The following SMG6 variants were observed in gnomAD, a reference collection of about 807,000 sequenced individuals.
The protein encoded by SMG6 is telomerase-binding protein EST1A.
A neutral mutation model predicts 142.2 loss-of-function variants in SMG6; 66 were observed. The ratio of observed to expected loss-of-function variants is 0.46; its 90% confidence interval spans 0.38 to 0.57. The LOEUF is 0.57. Among genes scored for constraint, SMG6 ranks in the 20% least tolerant of loss-of-function variants. The pLI, the probability that SMG6 is intolerant of heterozygous loss-of-function variation, is 0.00. For missense variants in SMG6, 1,793 were observed against 1,832.0 expected, an observed-to-expected ratio of 0.98 and a Z score of 0.39; for synonymous variants, 779 against 702.4, an observed-to-expected ratio of 1.11 and a Z score of -1.72.
chr17:2,260,009 G>A (rs532389200), intron 8 of SMG6, among the ~76,000 whole-genome samples: 4 of 152,308 alleles, frequency 2.6e-5, no homozygotes, highest in African/African-American at 9.6e-5. Context: ...CCAAATAAGG[G>A]AAGGATTCTG....
intron 7 of SMG6, 112 bp downstream of exon 7, chr17:2,283,513 T>C (rs2074836291): frequency 1.3e-5 from 11 of 832,340 alleles, no homozygotes; most frequent in South Asian, 1.2e-4. Context: ...TAACTGCACC[T>C]TGGATAAACC....
intron 13 of SMG6, among the ~76,000 whole-genome samples, chr17:2,132,454 T>C (rs1286724244): frequency 6.6e-6 from 1 of 152,174 alleles, no homozygotes; most frequent in Non-Finnish European, 1.5e-5. Flanking sequence ...GAGTTGTCTA[T>C]GGGGAAGCGG....
chr17:2,125,753 G>A (rs897442406), intron 13 of SMG6, among the ~76,000 whole-genome samples: 2 of 152,138 alleles, frequency 1.3e-5, no homozygotes, highest in Non-Finnish European at 2.9e-5. Context: ...AGGAGTTGGA[G>A]ACCAGCCTGG....
intron 8 of SMG6, among the ~76,000 whole-genome samples, chr17:2,258,036 T>C (rs1347218879): frequency 1.3e-4 from 9 of 66,690 alleles, no homozygotes; most frequent in South Asian, 4.3e-4. Context: ...AAAAAAAAAA[T>C]ATACACACAC....
At chr17:2,203,199 C>G (rs2072584283) in intron 10 of SMG6, among the ~76,000 whole-genome samples, 1 of 152,188 alleles carries the variant, frequency 6.6e-6, no homozygotes, top group Non-Finnish European at 1.5e-5. Flanking sequence ...CCAGTCAAAA[C>G]ACACTTTGGC....
intron 12 of SMG6, among the ~76,000 whole-genome samples, chr17:2,177,898 C>G (rs545305114): frequency 6.6e-6 from 1 of 152,188 alleles, no homozygotes; most frequent in Non-Finnish European, 1.5e-5. Flanking sequence ...CCTTTTCAAA[C>G]GGTTTCCCTG....
intron 13 of SMG6, among the ~76,000 whole-genome samples, chr17:2,152,011 T>C (rs1236381871): frequency 6.6e-6 from 1 of 152,178 alleles, no homozygotes; most frequent in African/African-American, 2.4e-5. Flanking sequence ...AATGATTACT[T>C]ATCAAAAAAC....
intron 9 of SMG6, among the ~76,000 whole-genome samples, chr17:2,239,045 G>C (rs1327231386): frequency 1.3e-5 from 2 of 152,142 alleles, no homozygotes; most frequent in African/African-American, 2.4e-5. Flanking sequence ...CTGGTTTCCA[G>C]TTTTGTAACC....
chr17:2,280,967 G>A (rs1385644102), intron 8 of SMG6, among the ~76,000 whole-genome samples: 1 of 152,310 alleles, frequency 6.6e-6, no homozygotes, highest in East Asian at 1.9e-4. Flanking sequence ...AGCAACTCAG[G>A]AGGCTGAGGC....
chr17:2,087,008 T>C (rs935824915), intron 13 of SMG6: 2 of 1,288,918 alleles, frequency 1.6e-6, no homozygotes, highest in Non-Finnish European at 2.0e-6. Context: ...TGCATCCTCG[T>C]TTCTTAGTGT....
At chr17:2,074,502 A>G (rs1340525049) in intron 15 of SMG6, among the ~76,000 whole-genome samples, 1 of 152,232 alleles carries the variant, frequency 6.6e-6, no homozygotes, top group Non-Finnish European at 1.5e-5. Context: ...ACTGCTGCTT[A>G]GAACTCCTTT....
intron 6 of SMG6, among the ~76,000 whole-genome samples, chr17:2,287,025 G>A (rs1567749900): frequency 3.4e-5 from 5 of 146,764 alleles, no homozygotes; most frequent in African/African-American, 1.0e-4. Context: ...TCCGCCTCTC[G>A]GGTTCACGCC....
chr17:2,241,041 C>T, intron 9 of SMG6, among the ~76,000 whole-genome samples: 1 of 152,222 alleles, frequency 6.6e-6, no homozygotes, highest in Middle Eastern at 3.4e-3. Flanking sequence ...ATAAATATGG[C>T]GCTCAATTTT....
Position 2,163,533 on chromosome 17 carries a change from A to G in SMG6, c.3357+9125T>C, listed in dbSNP as rs897776920. Among the ~76,000 whole-genome samples the G allele has an allele frequency of 3.3e-5, 5 of 152,148 alleles. No individual in the cohort carries two copies. The South Asian group carries it at 6.2e-4, about 19-fold the overall frequency. ...ATGTAGATATGGGATTGATTTTTGT[A>G]CAATGGCTTCATATCCAGCAACTTT... On this transcript the variant is annotated intron_variant, in intron 13 of 18. Coordinates refer to ENST00000263073, the MANE Select transcript of SMG6 (RefSeq NM_017575.5).
chr17:2,151,305 C>T (rs546912481), intron 13 of SMG6, among the ~76,000 whole-genome samples: 19 of 152,330 alleles, frequency 1.2e-4, no homozygotes, highest in African/African-American at 4.6e-4. Context: ...TATTATTCCA[C>T]ATTACAGTTT....
chr17:2,190,960 T>C (rs1349473147), intron 10 of SMG6, among the ~76,000 whole-genome samples: 1 of 152,226 alleles, frequency 6.6e-6, no homozygotes, highest in African/African-American at 2.4e-5. Flanking sequence ...GTCAGGCCTC[T>C]GACTGGCCAT....
chr17:2,167,960 T>C (rs1359539439), intron 13 of SMG6, among the ~76,000 whole-genome samples: 1 of 152,100 alleles, frequency 6.6e-6, no homozygotes, highest in Non-Finnish European at 1.5e-5. Flanking sequence ...ACCAAACCCC[T>C]GCACTTAAAA....
chr17:2,128,214 G>C (rs182755249), intron 13 of SMG6, among the ~76,000 whole-genome samples: 14 of 152,360 alleles, frequency 9.2e-5, no homozygotes, highest in Non-Finnish European at 1.6e-4. Flanking sequence ...CCCAAGGCAC[G>C]AGTGCTCCCA....
chr17:2,072,362 G>C (rs1340911495), intron 15 of SMG6, among the ~76,000 whole-genome samples: 1 of 152,268 alleles, frequency 6.6e-6, no homozygotes, highest in East Asian at 1.9e-4. Flanking sequence ...CTCTGAATCA[G>C]GTTGGTAGCA....
Sources: allele counts gnomAD v4.1 joint callset (sites outside exome capture counted in the v4.1 genomes callset), GRCh38; gene constraint gnomAD v4.1.1; transcripts MANE v1.5; gene names NCBI Gene and HGNC (gene_info 2026-07-23, HGNC 2026-07-21).